The following RNF212 variants were observed in gnomAD, a reference collection of about 807,000 sequenced individuals.
RNF212 encodes the protein ring finger protein 212.
Under a neutral mutation model 34.7 loss-of-function variants are expected in RNF212, and 33 were observed. That is an observed-to-expected ratio of 0.95 (90% CI 0.72 to 1.27). RNF212 has a LOEUF of 1.27. RNF212 is among the 50% of genes most tolerant of loss of function. The pLI is 0.00. For synonymous variants in RNF212, 140 were observed against 136.1 expected, an observed-to-expected ratio of 1.03 and a Z score of -0.20; for missense variants, 377 against 362.2, an observed-to-expected ratio of 1.04 and a Z score of -0.33.
In RNF212 at chr4:1,075,306, G is replaced by C. The variant is rs148110414; in HGVS notation, c.511-1644C>G. 2.1e-3 allele frequency among the ~76,000 whole-genome samples: 323 copies of C among 152,292 alleles called. 7 individuals carry two copies. Among genetic ancestry groups the C allele is most frequent in the African/African-American group, 7.2e-3 (297 of 41,522 alleles). ...TTCTTGCACTGCGATAAATACCAGA[G>C]ACTGTGTAATTCATAAAGAAAAGAG... On this transcript the variant is annotated intron_variant, in intron 8 of 9. Transcript: ENST00000433731.
Position 1,072,669 on chromosome 4 carries a change from A to G in RNF212, c.*205T>C. 1 of 1,208,682 alleles carries G rather than the reference A, an allele frequency of 8.3e-7. No homozygotes were observed. Among genetic ancestry groups the G allele is most frequent in the Non-Finnish European group, 1.1e-6 (1 of 934,118 alleles). The allele number at this position is 1,208,682 out of a possible 1,614,324, so 74.9% of individuals were successfully genotyped here. ...CCTATAAAATAAAAGGGATAATAACAATATATATGAGTACATAAAAATATT... is the reference window on the plus strand; with the variant it reads ...CCTATAAAATAAAAGGGATAATAACGATATATATGAGTACATAAAAATATT... On this transcript the variant is annotated 3_prime_UTR_variant, in exon 10 of 10. Coordinates refer to ENST00000433731, the MANE Select transcript of RNF212 (RefSeq NM_001131034.4).
chr4:1,098,336 T>C (rs1318719962), intron 2 of RNF212, among the ~76,000 whole-genome samples: 1 of 152,228 alleles, frequency 6.6e-6, no homozygotes, highest in African/African-American at 2.4e-5. Flanking sequence ...TGAAGAATTC[T>C]AGAAGACAGA....
intron 3 of RNF212, chr4:1,093,297 T>C (rs1722484323): frequency 1.0e-5 from 9 of 858,594 alleles, no homozygotes; most frequent in Non-Finnish European, 1.5e-5. Flanking sequence ...CTATTAGAAA[T>C]TAAGACTGAG....
At chr4:1,110,215 G>C (rs4246683) in intron 1 of RNF212, among the ~76,000 whole-genome samples, 4 of 152,022 alleles carry the variant, frequency 2.6e-5, no homozygotes, top group African/African-American at 9.7e-5. Flanking sequence ...TAGTCAATTA[G>C]AAAGAAACAC....
chr4:1,105,914 C>G (rs1391487762), intron 2 of RNF212, among the ~76,000 whole-genome samples: 1 of 152,220 alleles, frequency 6.6e-6, no homozygotes, highest in East Asian at 1.9e-4. Context: ...GGACGAAGAC[C>G]CTGGCTCCTG....
intron 3 of RNF212, chr4:1,093,203 T>C (rs563774067): frequency 3.5e-6 from 1 of 284,790 alleles, no homozygotes; most frequent in African/African-American, 2.2e-5. Flanking sequence ...AGAGTTTTGG[T>C]CTTGGGCCAG....
At chr4:1,077,333 C>T (rs1264974007) in intron 8 of RNF212, among the ~76,000 whole-genome samples, 2 of 152,236 alleles carry the variant, frequency 1.3e-5, no homozygotes, top group African/African-American at 4.8e-5. Flanking sequence ...TCTGGTTCCT[C>T]AGCAATAATT....
intron 3 of RNF212, among the ~76,000 whole-genome samples, chr4:1,065,349 C>T (rs1187498110): frequency 2.0e-5 from 3 of 152,254 alleles, no homozygotes; most frequent in Non-Finnish European, 4.4e-5. Flanking sequence ...AGGAAAACAT[C>T]TGCAGACCAA....
At chr4:1,062,548 T>G (rs1326069183) in intron 3 of RNF212, among the ~76,000 whole-genome samples, 1 of 152,154 alleles carries the variant, frequency 6.6e-6, no homozygotes, top group African/African-American at 2.4e-5. Context: ...CCATCCTTCA[T>G]GGTGAAAGGC....
At chr4:1,065,699 C>G (rs1718046759) in intron 3 of RNF212, among the ~76,000 whole-genome samples, 1 of 152,152 alleles carries the variant, frequency 6.6e-6, no homozygotes, top group Non-Finnish European at 1.5e-5. Flanking sequence ...CCACCTCGGC[C>G]TCTCAGCTTC....
At chr4:1,062,294 G>A (rs938030649) in intron 3 of RNF212, among the ~76,000 whole-genome samples, 5 of 152,030 alleles carry the variant, frequency 3.3e-5, no homozygotes, top group South Asian at 4.1e-4. Flanking sequence ...ACGACCAACC[G>A]GGATTCATCT....
chr4:1,097,048 C>A (rs546854464), intron 2 of RNF212, among the ~76,000 whole-genome samples: 1 of 152,276 alleles, frequency 6.6e-6, no homozygotes, highest in African/African-American at 2.4e-5. Flanking sequence ...AGGGCTGTGC[C>A]GGACAGTGGT....
chr4:1,079,212 G>C (rs913145855), intron 8 of RNF212, among the ~76,000 whole-genome samples: 4 of 134,018 alleles, frequency 3.0e-5, no homozygotes, highest in Non-Finnish European at 6.5e-5. Context: ...CCAACATAGA[G>C]TCAACACAGG....
At chr4:1,083,576 T>C (rs1281733710) in intron 5 of RNF212, among the ~76,000 whole-genome samples, 1 of 152,024 alleles carries the variant, frequency 6.6e-6, no homozygotes, top group Non-Finnish European at 1.5e-5. Flanking sequence ...AGGCGGAGGT[T>C]GAGGTGAGCT....
downstream of RNF212, among the ~76,000 whole-genome samples, chr4:1,069,066 C>T (rs1275649187): frequency 3.9e-5 from 6 of 152,052 alleles, no homozygotes; most frequent in Non-Finnish European, 8.8e-5. Context: ...AAACAATTAG[C>T]TGGGTGTGGT....
At chr4:1,057,289 T>C (rs2290411) in intron 4 of RNF212, among the ~76,000 whole-genome samples, 123,411 of 152,126 alleles carry the variant, frequency 0.81, 50,761 homozygotes, top group African/African-American at 0.94. Flanking sequence ...TGGACTGGAC[T>C]GCAGGCATCA....
chr4:1,093,174 G>A, intron 3 of RNF212: 1 of 235,422 alleles, frequency 4.2e-6, no homozygotes, highest in Non-Finnish European at 8.2e-6. Context: ...CAGGTCCTGA[G>A]GCCTGAGCCT....
chr4:1,093,931 A>G (rs1722622856), intron 3 of RNF212: 2 of 1,535,842 alleles, frequency 1.3e-6, no homozygotes, highest in African/African-American at 1.4e-5. Context: ...CTTGGCTTCC[A>G]TGGGTCGAGC....
At chr4:1,109,071 G>C (rs959820531) in intron 1 of RNF212, among the ~76,000 whole-genome samples, 1 of 147,086 alleles carries the variant, frequency 6.8e-6, no homozygotes, top group South Asian at 2.1e-4. Flanking sequence ...GTAATGACGC[G>C]ATCTTGGCTC....
Sources: allele counts gnomAD v4.1 joint callset (sites outside exome capture counted in the v4.1 genomes callset), GRCh38; gene constraint gnomAD v4.1.1; transcripts MANE v1.5; gene names NCBI Gene and HGNC (gene_info 2026-07-23, HGNC 2026-07-21).